The following GLRX3 variants were observed in gnomAD, a reference collection of about 807,000 sequenced individuals.
The protein encoded by GLRX3 is glutaredoxin 3.
In GLRX3, 22 loss-of-function variants were observed where a neutral mutation model predicts 49.5. The ratio of observed to expected loss-of-function variants is 0.44; its 90% CI spans 0.32 to 0.63. The LOEUF is 0.63. Among genes scored for constraint, GLRX3 ranks in the 30% least tolerant of loss-of-function variants. GLRX3 has a pLI of 0.05. For synonymous variants in GLRX3, 133 were observed against 140.0 expected, an observed-to-expected ratio of 0.95 and a Z score of 0.35; for missense variants, 385 against 396.3, an observed-to-expected ratio of 0.97 and a Z score of 0.24.
intron 2 of GLRX3, among the ~76,000 whole-genome samples, chr10:130,151,137 A>G (rs1025897758): frequency 6.6e-6 from 1 of 152,088 alleles, no homozygotes; most frequent in Admixed American, 6.6e-5. Context: ...CGTGTTGGCC[A>G]GGCTGGTTTC....
intron 7 of GLRX3, among the ~76,000 whole-genome samples, chr10:130,171,383 G>C (rs1221192675): frequency 6.6e-6 from 1 of 152,088 alleles, no homozygotes; most frequent in Non-Finnish European, 1.5e-5. Context: ...GGAAAAGGAA[G>C]TCTGTGGGTC....
chr10:130,159,901 A>G (rs1862541165), intron 2 of GLRX3, 94 bp from the exon 3 acceptor site: 2 of 1,255,228 alleles, frequency 1.6e-6, no homozygotes, highest in Non-Finnish European at 2.3e-6. Flanking sequence ...AATGCCAGCT[A>G]CTTGAAGGGA....
At chr10:130,164,282 A>G (rs886788516) in intron 4 of GLRX3, among the ~76,000 whole-genome samples, 5 of 152,202 alleles carry the variant, frequency 3.3e-5, no homozygotes, top group African/African-American at 4.8e-5. Context: ...TTCCAGAAGC[A>G]CTGAGGTATA....
chr10:130,166,258 T>C (rs1862684179), intron 4 of GLRX3, among the ~76,000 whole-genome samples: 1 of 152,118 alleles, frequency 6.6e-6, no homozygotes, highest in Non-Finnish European at 1.5e-5. Context: ...TTTTTTTTTT[T>C]TCAGTAGTCA....
chr10:130,162,492 AT>A (rs1862594420), intron 4 of GLRX3, among the ~76,000 whole-genome samples: 1 of 152,072 alleles, frequency 6.6e-6, no homozygotes, highest in South Asian at 2.1e-4. Context: ...CATGAAAATT[AT>A]TTCTTGTACT....
intron 2 of GLRX3, among the ~76,000 whole-genome samples, chr10:130,151,739 A>G (rs181351364): frequency 1.0e-3 from 156 of 152,254 alleles, no homozygotes; most frequent in Non-Finnish European, 1.9e-3. Flanking sequence ...TCCGTGATGT[A>G]TATGTGCCAC....
chr10:130,158,952 A>C (rs968824110), intron 2 of GLRX3, among the ~76,000 whole-genome samples: 6 of 152,214 alleles, frequency 3.9e-5, no homozygotes, highest in Non-Finnish European at 8.8e-5. Context: ...AGCCAAATAC[A>C]TAGTACTCTG....
At chr10:130,166,893 A>T (rs1862702128) in intron 5 of GLRX3, 26 bp from the exon 6 acceptor site, 1 of 1,478,924 alleles carries the variant, frequency 6.8e-7, no homozygotes, top group African/African-American at 1.4e-5. Flanking sequence ...TTTTTTTCAT[A>T]AAACTGGTAT....
intron 2 of GLRX3, among the ~76,000 whole-genome samples, chr10:130,152,858 G>T (rs1030274979): frequency 6.6e-6 from 1 of 152,150 alleles, no homozygotes; most frequent in Non-Finnish European, 1.5e-5. Context: ...GCCCTGCTAG[G>T]TTGGGTAAGT....
intron 2 of GLRX3, among the ~76,000 whole-genome samples, chr10:130,153,330 T>C (rs891340489): frequency 1.3e-5 from 2 of 152,228 alleles, no homozygotes; most frequent in African/African-American, 2.4e-5. Context: ...CTGTCCAGTT[T>C]TATTCCCTTG....
intron 1 of GLRX3, 93 bp downstream of exon 1, chr10:130,136,605 C>T (rs1234138076): frequency 8.2e-7 from 1 of 1,221,162 alleles, no homozygotes; most frequent in Non-Finnish European, 1.0e-6. Context: ...CCCAGCCTGG[C>T]TTCTTGGTGC....
At chr10:130,172,465 C>T (rs1329712010) in intron 8 of GLRX3, among the ~76,000 whole-genome samples, 1 of 152,154 alleles carries the variant, frequency 6.6e-6, no homozygotes, top group East Asian at 1.9e-4. Flanking sequence ...AGATATACAG[C>T]ACATGTTCTA....
At chr10:130,145,185 A>C in intron 1 of GLRX3, 26 bp from the exon 2 acceptor site, 1 of 885,376 alleles carries the variant, frequency 1.1e-6, no homozygotes, top group Non-Finnish European at 1.8e-6. Context: ...TATAATTTTA[A>C]ATAAATGCAT....
At chr10:130,157,057 C>T (rs1862483939) in intron 2 of GLRX3, among the ~76,000 whole-genome samples, 1 of 152,108 alleles carries the variant, frequency 6.6e-6, no homozygotes, top group Non-Finnish European at 1.5e-5. Flanking sequence ...GGCAAGTTAC[C>T]CAAGTTATCT....
intron 2 of GLRX3, among the ~76,000 whole-genome samples, chr10:130,151,028 A>T (rs547145303): frequency 1.3e-5 from 2 of 151,986 alleles, no homozygotes; most frequent in Non-Finnish European, 2.9e-5. Flanking sequence ...CCTGGGTTCA[A>T]GGAATTCTCC....
At chr10:130,166,819 C>A in intron 5 of GLRX3, 100 bp from the exon 6 acceptor site, 1 of 930,168 alleles carries the variant, frequency 1.1e-6, no homozygotes, top group African/African-American at 1.7e-5. Context: ...CACAGTATTT[C>A]TGATTAGTTG....
intron 1 of GLRX3, among the ~76,000 whole-genome samples, chr10:130,141,487 C>T (rs938401447): frequency 2.0e-5 from 3 of 152,244 alleles, no homozygotes; most frequent in African/African-American, 7.2e-5. Context: ...GGAAGTTTTC[C>T]ATCCCCTTTA....
At chr10:130,164,932 C>G (rs1051547531) in intron 4 of GLRX3, among the ~76,000 whole-genome samples, 1 of 152,248 alleles carries the variant, frequency 6.6e-6, no homozygotes, top group Non-Finnish European at 1.5e-5. Flanking sequence ...TGTTTTACTT[C>G]AGGCTGTACA....
intron 7 of GLRX3, among the ~76,000 whole-genome samples, chr10:130,170,312 C>T (rs746726022): frequency 1.5e-3 from 227 of 152,074 alleles, no homozygotes; most frequent in Non-Finnish European, 4.4e-4. Flanking sequence ...CAAGATGCAC[C>T]GGGCAAGTGA....
Sources: gnomAD v4.1 joint callset for allele counts (sites outside exome capture counted in the v4.1 genomes callset) on GRCh38, gnomAD v4.1.1 for gene constraint, MANE v1.5 for transcripts, NCBI Gene and HGNC (gene_info 2026-07-23, HGNC 2026-07-21) for gene names.